MCM10: variants seen among roughly 807,000 people sequenced by gnomAD.
MCM10 encodes the protein protein MCM10 homolog.
In MCM10, 91 loss-of-function variants were observed where a neutral mutation model predicts 109.9. That is an observed-to-expected ratio of 0.83 (90% CI 0.70 to 0.99). The LOEUF is 0.99. Among genes scored for constraint, MCM10 ranks in the 50% least tolerant of loss-of-function variants. The pLI is 0.00. For synonymous variants in MCM10, 380 were observed against 387.2 expected, an observed-to-expected ratio of 0.98 and a Z score of 0.22; for missense variants, 1,077 against 1,061.2, an observed-to-expected ratio of 1.01 and a Z score of -0.21.
At chr10:13,208,885 G>A (rs1322869042) in intron 18 of MCM10, among the ~76,000 whole-genome samples, 2 of 152,296 alleles carry the variant, frequency 1.3e-5, no homozygotes, top group Admixed American at 6.5e-5. Context: ...GCTTTGTAAG[G>A]ACCTACAGAC....
At chr10:13,192,071 G>A (rs1469603841) in intron 11 of MCM10, among the ~76,000 whole-genome samples, 184 bp from the exon 12 acceptor site, 1 of 152,172 alleles carries the variant, frequency 6.6e-6, no homozygotes, top group African/African-American at 2.4e-5. Flanking sequence ...ATATAGTCGA[G>A]ATACCCTGCC....
intron 8 of MCM10, 78 bp downstream of exon 8, chr10:13,183,178 G>A: frequency 1.4e-6 from 2 of 1,461,314 alleles, no homozygotes; most frequent in Non-Finnish European, 1.9e-6. Flanking sequence ...GTTTGATGCA[G>A]CACACAGTGG....
intron 6 of MCM10, among the ~76,000 whole-genome samples, chr10:13,179,525 C>A (rs1834182870): frequency 6.6e-6 from 1 of 152,216 alleles, no homozygotes; most frequent in South Asian, 2.1e-4. Context: ...AGCTCTGGGA[C>A]TTTCTGTTCC....
chr10:13,163,357 A>G (rs1452219934), intron 1 of MCM10, among the ~76,000 whole-genome samples: 1 of 152,242 alleles, frequency 6.6e-6, no homozygotes, highest in African/African-American at 2.4e-5. Context: ...AGAAAGTACC[A>G]TAATCACTGT....
chr10:13,168,879 A>C (rs930637465), intron 2 of MCM10, among the ~76,000 whole-genome samples: 5 of 152,242 alleles, frequency 3.3e-5, no homozygotes, highest in Non-Finnish European at 7.3e-5. Flanking sequence ...CAGAGTCCTC[A>C]GCAGAATTTC....
chr10:13,182,811 A>G lies in MCM10; in HGVS notation c.931-122A>G. On this transcript the variant is annotated intron_variant, in intron 7 of 19. Transcript: ENST00000378714. The surrounding 1 kb of genome is among the most constrained non-coding windows in gnomAD (Gnocchi z 4.2). Reference sequence around the variant, plus strand: ...GCTGATGATACATATTTGAATAACAACAAAAAAACTTGGATTTTATGGATT... The same window carrying G: ...GCTGATGATACATATTTGAATAACAGCAAAAAAACTTGGATTTTATGGATT... The G allele has an allele frequency of 1.4e-6, 1 of 697,774 alleles. No homozygotes were observed. The highest frequency in any genetic ancestry group is 2.3e-6 in the Non-Finnish European group (1 of 430,264). 43.2% of individuals were successfully genotyped at this position (697,774 alleles called of 1,614,324 possible). A position where few individuals can be genotyped will look rare whatever the true frequency, so the allele number is the denominator to read the frequency against.
At chr10:13,173,849 G>A (rs1436550359) in intron 5 of MCM10, among the ~76,000 whole-genome samples, 3 of 152,096 alleles carry the variant, frequency 2.0e-5, no homozygotes, top group African/African-American at 7.2e-5. Flanking sequence ...TAAAGTTCTA[G>A]GGTCACCCTG....
chr10:13,189,698 C>CTGTATTTTT (rs1834322480), intron 10 of MCM10, among the ~76,000 whole-genome samples: 1 of 152,164 alleles, frequency 6.6e-6, no homozygotes. Flanking sequence ...TGTTAACACC[C>CTGTATTTTT]TTTTAATTAT....
At chr10:13,184,533 G>A (rs991284163) in intron 8 of MCM10, among the ~76,000 whole-genome samples, 5 of 152,142 alleles carry the variant, frequency 3.3e-5, no homozygotes, top group Admixed American at 2.6e-4. Flanking sequence ...GCTTTACTCT[G>A]TTGTAGTCAG....
chr10:13,166,063 G>A (rs11258226), intron 2 of MCM10, among the ~76,000 whole-genome samples: 41,564 of 151,788 alleles, frequency 0.27, 6,197 homozygotes, highest in East Asian at 0.42. Flanking sequence ...AACAATAAAC[G>A]GGTAGTTAGT....
intron 18 of MCM10, among the ~76,000 whole-genome samples, chr10:13,206,669 C>A (rs541442057): frequency 9.6e-4 from 146 of 152,098 alleles, no homozygotes; most frequent in African/African-American, 3.4e-3. Context: ...TTATGGAAAA[C>A]GTTAGAAAAA....
Position 13,164,194 on chromosome 10 carries a change from C to T in MCM10, c.-9C>T, listed in dbSNP as rs779007412. 5 of 1,595,952 alleles carry T rather than the reference C, an allele frequency of 3.1e-6. No homozygotes were observed. In the Admixed American group the frequency reaches 9.2e-5, roughly 29 times the overall value. On this transcript the variant is annotated 5_prime_UTR_variant, in exon 2 of 20. Transcript: ENST00000378714. The stretch of plus-strand genomic sequence containing the variant: ...CGAAGTTTCCTGTCACAACTGTCCT[C>T]TTGACAGCATGGATGGTAAGACCTG...
chr10:13,191,432 T>A (rs944880811), intron 11 of MCM10, 33 bp downstream of exon 11: 2 of 1,560,944 alleles, frequency 1.3e-6, no homozygotes, highest in African/African-American at 2.7e-5. Context: ...AATTTCTTTC[T>A]CCAGTTTAAT....
chr10:13,208,833 G>A (rs1313235066), intron 18 of MCM10, among the ~76,000 whole-genome samples: 1 of 152,172 alleles, frequency 6.6e-6, no homozygotes, highest in Non-Finnish European at 1.5e-5. Flanking sequence ...GATCCCTGTG[G>A]TGCCATCATT....
chr10:13,175,888 T>A (rs2131563126), intron 6 of MCM10, among the ~76,000 whole-genome samples: 1 of 152,320 alleles, frequency 6.6e-6, no homozygotes, highest in Non-Finnish European at 1.5e-5. Flanking sequence ...GACTTTTTCT[T>A]GTGTATGTAA....
chr10:13,197,019 G>A (rs558362502), intron 14 of MCM10, among the ~76,000 whole-genome samples: 1 of 151,234 alleles, frequency 6.6e-6, no homozygotes, highest in East Asian at 1.9e-4. Context: ...CCATCTCCCT[G>A]GGCTCAGGTG....
chr10:13,169,895 G>A (rs1212405121), intron 2 of MCM10, among the ~76,000 whole-genome samples: 2 of 152,076 alleles, frequency 1.3e-5, no homozygotes, highest in Non-Finnish European at 2.9e-5. Flanking sequence ...TAGTAGAGAC[G>A]GGGTTTCACT....
intron 5 of MCM10, among the ~76,000 whole-genome samples, chr10:13,174,522 C>T (rs1834115391): frequency 6.6e-6 from 1 of 152,136 alleles, no homozygotes; most frequent in South Asian, 2.1e-4. Flanking sequence ...GATGAATATT[C>T]AGTAAACATC....
chr10:13,181,805 C>T (rs931897924), intron 7 of MCM10, among the ~76,000 whole-genome samples: 1 of 152,106 alleles, frequency 6.6e-6, no homozygotes, highest in African/African-American at 2.4e-5. Context: ...GCTGTAATGA[C>T]ATAATAATAA....
Sources: allele counts gnomAD v4.1 joint callset (sites outside exome capture counted in the v4.1 genomes callset), GRCh38; gene constraint gnomAD v4.1.1; non-coding constraint Gnocchi (gnomAD v3.1); transcripts MANE v1.5; gene names NCBI Gene and HGNC (gene_info 2026-07-23, HGNC 2026-07-21).